Variants in CLK4 observed in about 807,000 individuals in gnomAD.
The protein encoded by CLK4 is CDC like kinase 4.
In CLK4, 37 loss-of-function variants were observed where a neutral mutation model predicts 64.4. That is an observed-to-expected ratio of 0.57 (90% confidence interval 0.44 to 0.76). The LOEUF is 0.76. Among genes scored for constraint, CLK4 ranks in the 30% least tolerant of loss-of-function variants. The pLI, the probability that CLK4 is intolerant of heterozygous loss-of-function variation, is 0.00. For synonymous variants in CLK4, 175 were observed against 191.6 expected (o/e 0.91, Z 0.72); for missense variants, 457 against 605.1 (o/e 0.76, Z 2.57).
At chr5:178,608,669 G>A (rs1231083006) in intron 9 of CLK4, among the ~76,000 whole-genome samples, 9 of 152,132 alleles carry the variant, frequency 5.9e-5, no homozygotes, top group Admixed American at 2.0e-4. Context: ...ATTCTAACTA[G>A]GGAGGGGTGC....
chr5:178,623,236 T>G lies in CLK4; in HGVS notation c.161+20A>C, dbSNP rs772479729. ...AAAACTATTAGAGCTAAAATGCTAG[T>G]AGTTCAAGAGTTAATTTACCAATCA... On this transcript the variant is annotated intron_variant, in intron 2 of 12. Transcript: ENST00000316308. The G allele has an allele frequency of 1.5e-5, 24 of 1,605,528 alleles. No individual in the cohort carries two copies. The East Asian group carries it at 4.9e-4, about 33-fold the overall frequency.
At chr5:178,616,856 G>A (rs775629044) in intron 5 of CLK4, 26 bp downstream of exon 5, 1 of 1,537,492 alleles carries the variant, frequency 6.5e-7, no homozygotes, top group Non-Finnish European at 9.0e-7. Context: ...ACATCAGAAT[G>A]TTTGAAAAGG....
chr5:178,624,524 T>A (rs1296674506), intron 1 of CLK4, among the ~76,000 whole-genome samples: 1 of 152,210 alleles, frequency 6.6e-6, no homozygotes, highest in Non-Finnish European at 1.5e-5. Context: ...CAAACTCCAG[T>A]GCATAACCTG....
chr5:178,612,216 G>C (rs935911907), intron 9 of CLK4, among the ~76,000 whole-genome samples, 200 bp downstream of exon 9: 1 of 152,072 alleles, frequency 6.6e-6, no homozygotes, highest in African/African-American at 2.4e-5. Flanking sequence ...CCACCACCTG[G>C]AATATCTTTC....
At chr5:178,613,677 C>T (rs777241545) in intron 6 of CLK4, 38 bp from the exon 7 acceptor site, 1 of 1,604,990 alleles carries the variant, frequency 6.2e-7, no homozygotes, top group South Asian at 1.1e-5. Context: ...TTTATGGAAA[C>T]CTGAATATTT....
In CLK4 at chr5:178,603,847, C is replaced by T. The variant is rs1764420902; in HGVS notation, c.1302G>A (p.Leu434=). The change falls in exon 12 of 13, where the codon TTG becomes TTA. Residue 434 remains leucine, a synonymous_variant. Coordinates refer to ENST00000316308, the MANE Select transcript of CLK4 (RefSeq NM_020666.3). Reference sequence around the variant, plus strand: ...CCTTTAATCTTTTTTCTTTTACCTTCAACGGTTTGCAGCGTCTCCTAACAT... The same window carrying T: ...CCTTTAATCTTTTTTCTTTTACCTTTAACGGTTTGCAGCGTCTCCTAACAT... ...GRYVRRRCKP[L]KEFMLCHDEE... The T allele has an allele frequency of 2.5e-6, 4 of 1,605,810 alleles. No individual in the cohort carries two copies. The highest frequency in any genetic ancestry group is 1.7e-4 in the Middle Eastern group (1 of 6,002).
In CLK4 at chr5:178,612,861, C is replaced by A. The variant is rs1434290866; in HGVS notation, c.856G>T (p.Asp286Tyr). The A allele has an allele frequency of 2.6e-6, 4 of 1,564,258 alleles. No individual in the cohort carries two copies. Among genetic ancestry groups the A allele is most frequent in the Non-Finnish European group, 1.8e-6 (2 of 1,137,830 alleles). Reference protein sequence around the residue: ...FLHHNKLTHTDLKPENILFVK... With the variant: ...FLHHNKLTHTYLKPENILFVK... Reference sequence around the variant, plus strand: ...AACAAAATATTTTCAGGCTTCAGATCTGTATGGGTTAATTTATTATGATGT... The same window carrying A: ...AACAAAATATTTTCAGGCTTCAGATATGTATGGGTTAATTTATTATGATGT... The change falls in exon 8 of 13, where the codon GAT becomes TAT. Residue 286 changes from aspartate (D) to tyrosine (Y), a missense_variant. Transcript: ENST00000316308.
Position 178,623,146 on chromosome 5 carries a change from TTTG to T in CLK4, c.161+107_161+109del, listed in dbSNP as rs1156511093. The T allele has an allele frequency of 4.7e-6, 5 of 1,074,460 alleles. No homozygotes were observed. The African/African-American group carries it at 8.0e-5, about 17-fold the overall frequency. The allele number at this position is 1,074,460 out of a possible 1,614,324, so 66.6% of individuals were successfully genotyped here. On this transcript the variant is annotated intron_variant, in intron 2 of 12. Transcript: ENST00000316308. ...TACTCAAATATTTTCTAAACGAATATTTGTTGACTGAATTATAAAACAATTTGA... is the reference window on the plus strand; with the variant it reads ...TACTCAAATATTTTCTAAACGAATATTTGACTGAATTATAAAACAATTTGA...
At position 178,613,709 on chromosome 5, in the gene CLK4, G is replaced by A; in HGVS notation, c.659+18C>T. The A allele has an allele frequency of 6.2e-7, 1 of 1,607,314 alleles. No individual in the cohort carries two copies. Among genetic ancestry groups the A allele is most frequent in the East Asian group, 2.2e-5 (1 of 44,824 alleles). ...ATTTCATGTAATATGATGGCTCCTA[G>A]GTGAAAGTTATACTTACAAGACACT... On this transcript the variant is annotated intron_variant, in intron 6 of 12. Transcript: ENST00000316308.
At chr5:178,612,278 C>T (rs1184931384) in intron 9 of CLK4, 138 bp downstream of exon 9, 1 of 704,064 alleles carries the variant, frequency 1.4e-6, no homozygotes, top group Non-Finnish European at 2.3e-6. Flanking sequence ...TAGCAATGTC[C>T]ACACATTTTT....
chr5:178,616,798 A>G, intron 5 of CLK4, 84 bp downstream of exon 5: 1 of 1,084,544 alleles, frequency 9.2e-7, no homozygotes, highest in Non-Finnish European at 1.4e-6. Flanking sequence ...TCTCAAATAA[A>G]TAAATAAATA....
Position 178,613,503 on chromosome 5 carries a change from T to C in CLK4, c.796A>G (p.Met266Val). Reference sequence around the variant, plus strand: ...ATTGACTGGCAGATCTGATACGCCATCTGCCTGATGTGGTCAATTTGAAAT... The same window carrying C: ...ATTGACTGGCAGATCTGATACGCCACCTGCCTGATGTGGTCAATTTGAAAT... ...LPFQIDHIRQ[M>V]AYQICQSINF... is the part of the protein sequence containing the mutation. Residue 266 changes from methionine to valine, a missense_variant, in exon 7 of 13, where the codon ATG becomes GTG. Coordinates refer to ENST00000316308, the MANE Select transcript of CLK4 (RefSeq NM_020666.3). The C allele has an allele frequency of 6.3e-7, 1 of 1,595,580 alleles. No homozygotes were observed. The highest frequency in any genetic ancestry group is 2.3e-5 in the East Asian group (1 of 44,374).
intron 5 of CLK4, among the ~76,000 whole-genome samples, chr5:178,614,072 G>A (rs1274999408): frequency 6.6e-6 from 1 of 152,094 alleles, no homozygotes. Flanking sequence ...TTTGCTCCTA[G>A]AATTTTAAAT....
intron 9 of CLK4, among the ~76,000 whole-genome samples, chr5:178,611,416 GAAAT>G (rs1764555375): frequency 6.6e-6 from 1 of 152,142 alleles, no homozygotes; most frequent in Non-Finnish European, 1.5e-5. Flanking sequence ...GTTTAAATCT[GAAAT>G]AAAATTAATG....
rs148285655 is a variant in CLK4, at chr5:178,603,813, T to C, written c.1305+31A>G. 5.6e-3 allele frequency: 8,950 copies of C among 1,587,342 alleles called. 35 individuals are homozygous for C. The highest frequency in any genetic ancestry group is 7.0e-3 in the Non-Finnish European group (8,180 of 1,171,942). On this transcript the variant is annotated intron_variant, in intron 12 of 12. Coordinates refer to ENST00000316308, the MANE Select transcript of CLK4 (RefSeq NM_020666.3). ...AATTATTAATAGTGCAAACACGTGG[T>C]TTATTTAACCTTTAATCTTTTTTCT...
chr5:178,620,185 A>C, intron 2 of CLK4: 1 of 283,430 alleles, frequency 3.5e-6, no homozygotes, highest in Non-Finnish European at 7.2e-6. Flanking sequence ...ACAACTCAGG[A>C]TATTTGGGTA....
chr5:178,622,497 G>C, intron 2 of CLK4: 1 of 877,836 alleles, frequency 1.1e-6, no homozygotes, highest in Non-Finnish European at 1.4e-6. Flanking sequence ...CAAAACAAAC[G>C]AAAAAGGGAA....
At chr5:178,622,462 G>A in intron 2 of CLK4, 6 of 984,270 alleles carry the variant, frequency 6.1e-6, no homozygotes, top group Non-Finnish European at 7.3e-6. Context: ...TGGAACATCT[G>A]CACAAAACGA....
At chr5:178,611,537 T>G (rs942148622) in intron 9 of CLK4, among the ~76,000 whole-genome samples, 3 of 152,200 alleles carry the variant, frequency 2.0e-5, no homozygotes, top group Non-Finnish European at 4.4e-5. Context: ...AAATGGAACA[T>G]TTCCGTCATC....
Sources: allele counts gnomAD v4.1 joint callset (sites outside exome capture counted in the v4.1 genomes callset), GRCh38; gene constraint gnomAD v4.1.1; transcripts MANE v1.5; gene names NCBI Gene and HGNC (gene_info 2026-07-23, HGNC 2026-07-21).